Variants in CLMP observed in about 807,000 individuals in gnomAD.
CLMP encodes the protein CXADR-like membrane protein.
A neutral mutation model predicts 45.2 loss-of-function variants in CLMP; 27 were observed. That is an observed-to-expected ratio of 0.60 (90% CI 0.44 to 0.82). The LOEUF is 0.82. Ranked by LOEUF, CLMP falls within the 40% of genes least tolerant of loss-of-function variation. The pLI, the probability that CLMP is intolerant of heterozygous loss-of-function variation, is 0.00. For missense variants in CLMP, 403 were observed against 448.4 expected (o/e 0.90, Z 0.91); for synonymous variants, 167 against 171.4 (o/e 0.97, Z 0.20).
At chr11:123,093,585 T>G (rs1865957266) in intron 2 of CLMP, among the ~76,000 whole-genome samples, 1 of 86,362 alleles carries the variant, frequency 1.2e-5, no homozygotes, top group African/African-American at 6.8e-5. Context: ...TGACCTCAAA[T>G]GATCTGCCCA....
intron 1 of CLMP, among the ~76,000 whole-genome samples, chr11:123,143,522 G>GGA (rs11432786): frequency 2.9e-5 from 3 of 103,324 alleles, no homozygotes; most frequent in South Asian, 2.4e-4. Context: ...TATGGGGGGC[G>GGA]GGGGGGGCAT....
intron 5 of CLMP, among the ~76,000 whole-genome samples, chr11:123,079,706 A>T (rs574855902): frequency 6.6e-6 from 1 of 152,190 alleles, no homozygotes; most frequent in South Asian, 2.1e-4. Flanking sequence ...CGACCTCCCA[A>T]AGTGCTGGGA....
intron 1 of CLMP, among the ~76,000 whole-genome samples, chr11:123,142,775 C>T (rs1020057557): frequency 4.3e-5 from 6 of 140,574 alleles, no homozygotes; most frequent in East Asian, 2.1e-4. Flanking sequence ...TACAGGCGCC[C>T]GCCACTGCGC....
chr11:123,087,293 C>T (rs992701467), intron 2 of CLMP, among the ~76,000 whole-genome samples: 12 of 151,684 alleles, frequency 7.9e-5, no homozygotes, highest in South Asian at 4.2e-4. Flanking sequence ...GCCAAGATCA[C>T]GGCATTGCAC....
chr11:123,172,038 A>G (rs146739373), intron 1 of CLMP, among the ~76,000 whole-genome samples: 1 of 151,990 alleles, frequency 6.6e-6, no homozygotes, highest in Admixed American at 6.6e-5. Flanking sequence ...TTTACTCAAC[A>G]TTATATTATG....
intron 1 of CLMP, among the ~76,000 whole-genome samples, chr11:123,140,283 A>G (rs1861135854): frequency 6.6e-6 from 1 of 152,196 alleles, no homozygotes; most frequent in Non-Finnish European, 1.5e-5. Flanking sequence ...AATTAAACCT[A>G]AAATATCTTT....
In CLMP at chr11:123,194,949, C is replaced by G; in HGVS notation, c.-9G>C. On this transcript the variant is annotated 5_prime_UTR_variant, in exon 1 of 7. Transcript: ENST00000448775. ...AGAAGGAGGAGGGACATCCCGATCC[C>G]CGGACGCGGGCGCTTCCCCGCTCAG... 1.2e-6 allele frequency: 2 copies of G among 1,612,098 alleles called. No homozygotes were observed. Among genetic ancestry groups the G allele is most frequent in the Middle Eastern group, 1.7e-4 (1 of 6,046 alleles).
intron 5 of CLMP, among the ~76,000 whole-genome samples, chr11:123,080,111 T>C (rs1404605869): frequency 1.3e-5 from 2 of 152,146 alleles, no homozygotes; most frequent in African/African-American, 4.8e-5. Flanking sequence ...CATGGGCCTC[T>C]ATATAAGGCT....
At chr11:123,088,835 G>C (rs1865894815) in intron 2 of CLMP, among the ~76,000 whole-genome samples, 1 of 152,108 alleles carries the variant, frequency 6.6e-6, no homozygotes. Flanking sequence ...TGTTGGTCAG[G>C]CTGGTCTCGA....
chr11:123,097,073 A>G (rs1399249716), intron 2 of CLMP, among the ~76,000 whole-genome samples: 1 of 152,152 alleles, frequency 6.6e-6, no homozygotes. Flanking sequence ...GCTGGTCTTG[A>G]ACTCCTGGGC....
chr11:123,191,402 C>T (rs938309144), intron 1 of CLMP: 2 of 152,304 alleles, frequency 1.3e-5, no homozygotes, highest in East Asian at 1.9e-4. Context: ...TGAGACCTGT[C>T]GTTATCTTAC....
At chr11:123,166,104 C>G (rs936585666) in intron 1 of CLMP, among the ~76,000 whole-genome samples, 1 of 152,030 alleles carries the variant, frequency 6.6e-6, no homozygotes, top group Non-Finnish European at 1.5e-5. Flanking sequence ...TGATTTGCAG[C>G]CACAATCCTT....
chr11:123,143,628 C>T (rs7115102), intron 1 of CLMP, among the ~76,000 whole-genome samples: 24,046 of 152,098 alleles, frequency 0.16, 2,036 homozygotes, highest in African/African-American at 0.19. Context: ...CTAACAATCA[C>T]GTGAGTGATG....
chr11:123,126,469 G>T (rs1860896819), intron 1 of CLMP, among the ~76,000 whole-genome samples: 1 of 152,044 alleles, frequency 6.6e-6, no homozygotes, highest in Non-Finnish European at 1.5e-5. Flanking sequence ...GTGTTGCTCA[G>T]GCTGGTCTTG....
chr11:123,157,386 C>T (rs1044175858), intron 1 of CLMP, among the ~76,000 whole-genome samples: 20 of 152,158 alleles, frequency 1.3e-4, no homozygotes, highest in Non-Finnish European at 1.2e-4. Context: ...GAAACCCCAT[C>T]TCTACTAAAA....
intron 5 of CLMP, among the ~76,000 whole-genome samples, chr11:123,077,553 C>A (rs1179911691): frequency 2.0e-5 from 3 of 152,154 alleles, no homozygotes; most frequent in Non-Finnish European, 2.9e-5. Flanking sequence ...TGGTCTCAAA[C>A]TCCTGACCTC....
chr11:123,171,654 G>A (rs1861635736), intron 1 of CLMP, among the ~76,000 whole-genome samples: 1 of 152,080 alleles, frequency 6.6e-6, no homozygotes, highest in Non-Finnish European at 1.5e-5. Flanking sequence ...ATGTTGGCCA[G>A]GCTGGTCTCG....
chr11:123,091,528 G>A (rs2135475931), intron 2 of CLMP, among the ~76,000 whole-genome samples: 1 of 152,300 alleles, frequency 6.6e-6, no homozygotes, highest in East Asian at 1.9e-4. Context: ...GACAACCCAA[G>A]ACAGGTCCTG....
At chr11:123,132,187 A>C (rs185638662) in intron 1 of CLMP, among the ~76,000 whole-genome samples, 60 of 152,316 alleles carry the variant, frequency 3.9e-4, no homozygotes, top group Non-Finnish European at 6.5e-4. Context: ...CTTTTTAGCA[A>C]ATTGCAGAAG....
Sources: gnomAD v4.1 joint callset for allele counts (sites outside exome capture counted in the v4.1 genomes callset) on GRCh38, gnomAD v4.1.1 for gene constraint, MANE v1.5 for transcripts, NCBI Gene and HGNC (gene_info 2026-07-23, HGNC 2026-07-21) for gene names.